The following ANKS1B variants were observed in gnomAD, a reference collection of about 807,000 sequenced individuals.
ANKS1B encodes ankyrin repeat and sterile alpha motif domain-containing protein 1B.
Under a neutral mutation model 148.3 loss-of-function variants are expected in ANKS1B, and 36 were observed. That is an observed-to-expected ratio of 0.24 (90% CI 0.19 to 0.32). The LOEUF is 0.32. Ranked by LOEUF, ANKS1B falls within the 10% of genes least tolerant of loss-of-function variation. The pLI is 1.00. For synonymous variants in ANKS1B, 542 were observed against 560.8 expected (o/e 0.97, Z 0.47); for missense variants, 1,157 against 1,542.6 (o/e 0.75, Z 4.19).
chr12:99,103,705 A>C (rs571801523), intron 15 of ANKS1B, among the ~76,000 whole-genome samples: 21 of 152,242 alleles, frequency 1.4e-4, no homozygotes, highest in African/African-American at 4.8e-4. Context: ...GAAACTATTA[A>C]ACCCCTTAAG....
chr12:99,846,969 G>A (rs538601548), intron 1 of ANKS1B, among the ~76,000 whole-genome samples: 1 of 152,092 alleles, frequency 6.6e-6, no homozygotes, highest in East Asian at 1.9e-4. Flanking sequence ...TTCACAGAAA[G>A]AAGAACCAAG....
chr12:99,799,546 C>T (rs1234504125), intron 4 of ANKS1B, among the ~76,000 whole-genome samples: 1 of 152,108 alleles, frequency 6.6e-6, no homozygotes, highest in Non-Finnish European at 1.5e-5. Context: ...AATTTTCTTC[C>T]TCCTGGAGCA....
intron 1 of ANKS1B, among the ~76,000 whole-genome samples, chr12:99,973,992 A>G (rs571348961): frequency 6.6e-6 from 1 of 152,332 alleles, no homozygotes; most frequent in East Asian, 1.9e-4. Flanking sequence ...GTAAAATGCT[A>G]TCAAACAGCA....
chr12:99,829,200 A>G (rs1348799955), intron 1 of ANKS1B, among the ~76,000 whole-genome samples: 1 of 152,076 alleles, frequency 6.6e-6, no homozygotes, highest in Non-Finnish European at 1.5e-5. Flanking sequence ...GAACTGAAGG[A>G]CATTAATTTA....
At chr12:99,573,082 G>A (rs1045037477) in intron 9 of ANKS1B, among the ~76,000 whole-genome samples, 2 of 152,008 alleles carry the variant, frequency 1.3e-5, no homozygotes, top group African/African-American at 2.4e-5. Context: ...ACCACATCAA[G>A]GTTAGTTGTT....
At chr12:99,022,238 A>G (rs2153440406) in intron 17 of ANKS1B, among the ~76,000 whole-genome samples, 1 of 152,280 alleles carries the variant, frequency 6.6e-6, no homozygotes, top group East Asian at 1.9e-4. Context: ...ACTTCCCACA[A>G]CTGAACCTTC....
intron 14 of ANKS1B, among the ~76,000 whole-genome samples, chr12:99,186,506 A>G (rs1249131902): frequency 6.6e-6 from 1 of 152,062 alleles, no homozygotes; most frequent in Non-Finnish European, 1.5e-5. Flanking sequence ...TGGCATCTGG[A>G]GGGTGCCCCT....
intron 10 of ANKS1B, among the ~76,000 whole-genome samples, chr12:99,452,441 C>CA (rs747966163): frequency 5.3e-5 from 8 of 152,082 alleles, no homozygotes; most frequent in Admixed American, 5.2e-4. Context: ...GTCATTTGTA[C>CA]AAAAAATGGC....
intron 15 of ANKS1B, among the ~76,000 whole-genome samples, chr12:99,134,639 T>TCG (rs2067278497): frequency 4.8e-5 from 4 of 82,804 alleles, no homozygotes; most frequent in Middle Eastern, 5.6e-3. Context: ...TCTCTCTCTC[T>TCG]CTCTCTCACA....
At chr12:99,707,909 T>C (rs982261853) in intron 8 of ANKS1B, among the ~76,000 whole-genome samples, 1 of 152,044 alleles carries the variant, frequency 6.6e-6, no homozygotes, top group Admixed American at 6.6e-5. Context: ...TGTGGGAGAA[T>C]TTTCAAAAGA....
intron 9 of ANKS1B, among the ~76,000 whole-genome samples, chr12:99,598,867 A>G (rs1183888404): frequency 6.6e-6 from 1 of 152,106 alleles, no homozygotes; most frequent in East Asian, 1.9e-4. Context: ...ATTGCAGTTC[A>G]TAGTTTGGGA....
At chr12:99,307,986 C>T (rs1204907095) in intron 12 of ANKS1B, among the ~76,000 whole-genome samples, 1 of 152,044 alleles carries the variant, frequency 6.6e-6, no homozygotes, top group Non-Finnish European at 1.5e-5. Flanking sequence ...AACAACACAA[C>T]ATCAAATAAG....
At chr12:99,287,182 C>T (rs2079249775) in intron 12 of ANKS1B, among the ~76,000 whole-genome samples, 1 of 152,148 alleles carries the variant, frequency 6.6e-6, no homozygotes, top group Non-Finnish European at 1.5e-5. Context: ...CCCCCTCTGA[C>T]AGCTCCAGGG....
downstream of ANKS1B, among the ~76,000 whole-genome samples, chr12:98,741,986 T>C (rs1259916197): frequency 1.3e-5 from 2 of 152,178 alleles, no homozygotes; most frequent in Non-Finnish European, 2.9e-5. Context: ...TGAATATGAA[T>C]TGCTTTGAAT....
chr12:99,301,329 TG>T (rs1387483390), intron 12 of ANKS1B, among the ~76,000 whole-genome samples: 1 of 152,136 alleles, frequency 6.6e-6, no homozygotes, highest in East Asian at 1.9e-4. Context: ...CTCTTGGCCC[TG>T]TCGAGTTGAC....
intron 8 of ANKS1B, among the ~76,000 whole-genome samples, chr12:99,769,705 C>T (rs1005664549): frequency 6.6e-6 from 1 of 152,160 alleles, no homozygotes; most frequent in Non-Finnish European, 1.5e-5. Context: ...AGAAATAATA[C>T]TATCCTTTTC....
At chr12:99,305,367 A>G (rs561231027) in intron 12 of ANKS1B, among the ~76,000 whole-genome samples, 4 of 152,278 alleles carry the variant, frequency 2.6e-5, no homozygotes, top group African/African-American at 9.6e-5. Context: ...ACATTATTTC[A>G]TAATTATCTG....
chr12:99,775,580 G>A lies in ANKS1B; in HGVS notation c.929C>T (p.Ser310Phe), dbSNP rs778818156. The change falls in exon 7 of 27, where the codon TCT (serine) becomes TTT (phenylalanine). Residue 310 changes from serine to phenylalanine, a missense_variant. Coordinates refer to ENST00000683438, the MANE Select transcript of ANKS1B (RefSeq NM_001352186.2). Reference protein sequence around the residue: ...EDATQETHISSPVESPSQKTK... With the variant: ...EDATQETHISFPVESPSQKTK... Reference sequence around the variant, plus strand: ...CTTTTGGGAAGGAGACTCAACAGGAGATGAAATGTGTGTTTCTTGTGTTGC... The same window carrying A: ...CTTTTGGGAAGGAGACTCAACAGGAAATGAAATGTGTGTTTCTTGTGTTGC... 18 of 1,613,420 alleles carry A rather than the reference G, an allele frequency of 1.1e-5. No homozygotes were observed. Among genetic ancestry groups the A allele is most frequent in the Non-Finnish European group, 1.4e-5 (16 of 1,179,506 alleles).
At chr12:99,415,482 C>A (rs185706345) in intron 11 of ANKS1B, among the ~76,000 whole-genome samples, 2 of 152,252 alleles carry the variant, frequency 1.3e-5, no homozygotes, top group Non-Finnish European at 2.9e-5. Flanking sequence ...TAAAGGTGCA[C>A]ACTGCTTTTT....
Sources: allele counts gnomAD v4.1 joint callset (sites outside exome capture counted in the v4.1 genomes callset), GRCh38; gene constraint gnomAD v4.1.1; transcripts MANE v1.5; gene names NCBI Gene and HGNC (gene_info 2026-07-23, HGNC 2026-07-21).